Variants in VPS35L observed in about 807,000 individuals in gnomAD.
VPS35L encodes VPS35 endosomal protein sorting factor like.
Under a neutral mutation model 133.0 loss-of-function variants are expected in VPS35L, and 83 were observed. The ratio of observed to expected loss-of-function variants is 0.62; its 90% CI spans 0.52 to 0.75. The LOEUF (loss-of-function observed/expected upper bound fraction) is 0.75, where lower values mean the gene tolerates loss of function less well. Among genes scored for constraint, VPS35L ranks in the 30% least tolerant of loss-of-function variants. VPS35L has a pLI of 0.00. For synonymous variants in VPS35L, 423 were observed against 449.9 expected (o/e 0.94, Z 0.76); for missense variants, 1,083 against 1,206.8 (o/e 0.90, Z 1.52).
intron 26 of VPS35L, among the ~76,000 whole-genome samples, chr16:19,661,454 A>G (rs1165460497): frequency 6.6e-6 from 1 of 152,176 alleles, no homozygotes; most frequent in Non-Finnish European, 1.5e-5. Context: ...GCGTATTGAA[A>G]GCCTTGGTAC....
In VPS35L at chr16:19,651,897, A is replaced by G; in HGVS notation, c.2107-79A>G. On this transcript the variant is annotated intron_variant, in intron 25 of 30. Transcript: ENST00000417362. ...ACTGTTGTAAGTTTCTTTCCTTGGA[A>G]ATACATGAGGGATGAAAACAGGAGT... 4.8e-6 allele frequency: 5 copies of G among 1,045,550 alleles called. No homozygotes were observed. In the South Asian group the frequency reaches 6.9e-5, roughly 14 times the overall value. 64.8% of individuals were successfully genotyped at this position (1,045,550 alleles called of 1,614,324 possible). A position where few individuals can be genotyped will look rare whatever the true frequency, so the allele number is the denominator to read the frequency against.
At chr16:19,585,735 C>T (rs1167887054) in intron 7 of VPS35L, among the ~76,000 whole-genome samples, 1 of 151,732 alleles carries the variant, frequency 6.6e-6, no homozygotes, top group Non-Finnish European at 1.5e-5. Context: ...TCCTACTATC[C>T]TAGTGGGTTT....
intron 27 of VPS35L, among the ~76,000 whole-genome samples, chr16:19,677,254 T>A (rs937000818): frequency 3.3e-5 from 5 of 151,952 alleles, no homozygotes; most frequent in African/African-American, 4.8e-5. Flanking sequence ...TATTTATTTA[T>A]TTGTATTTTT....
At position 19,581,668 on chromosome 16, in the gene VPS35L, T is replaced by TCCCCCCCCCCC. The variant is rs5816059; in HGVS notation, c.639+20_639+21insCCCCCCCCCCC. On this transcript the variant is annotated intron_variant, in intron 7 of 30. Transcript: ENST00000417362. ...TAGTCATCCAGGTTAGCTCTAGTGATCCCCCACCCCCACCCAGAATTTCCT... is the reference window on the plus strand; with the variant it reads ...TAGTCATCCAGGTTAGCTCTAGTGATCCCCCCCCCCCCCCCCACCCCCACCCAGAATTTCCT... The TCCCCCCCCCCC allele has an allele frequency of 1.1e-5, 17 of 1,607,530 alleles. No homozygotes were observed. Among genetic ancestry groups the TCCCCCCCCCCC allele is most frequent in the South Asian group, 4.4e-5 (4 of 90,794 alleles).
intron 5 of VPS35L, chr16:19,578,242 A>G (rs967426513): frequency 4.5e-6 from 2 of 447,848 alleles, no homozygotes; most frequent in Non-Finnish European, 8.9e-6. Context: ...GCTTACAAAA[A>G]GAGTTCTGCA....
At chr16:19,588,791 A>G (rs1173671340) in intron 7 of VPS35L, among the ~76,000 whole-genome samples, 1 of 152,110 alleles carries the variant, frequency 6.6e-6, no homozygotes, top group Non-Finnish European at 1.5e-5. Flanking sequence ...TTTTCTCTAG[A>G]TAAGAGCCTA....
At chr16:19,628,853 G>A (rs945649935) in intron 17 of VPS35L, 100 bp downstream of exon 17, 7 of 429,796 alleles carry the variant, frequency 1.6e-5, no homozygotes, top group South Asian at 9.2e-5. Context: ...GTGCAATGGC[G>A]CCATCTCGGC....
At chr16:19,641,319 G>C (rs1226368171) in intron 21 of VPS35L, among the ~76,000 whole-genome samples, 1 of 151,398 alleles carries the variant, frequency 6.6e-6, no homozygotes, top group Admixed American at 6.6e-5. Flanking sequence ...CACCCGCCTC[G>C]GCCTCCCAAA....
At chr16:19,629,857 G>T in intron 18 of VPS35L, 37 bp downstream of exon 18, 1 of 1,588,776 alleles carries the variant, frequency 6.3e-7, no homozygotes, top group Non-Finnish European at 8.6e-7. Context: ...GAAAGAATTA[G>T]ATTTTTTCAT....
intron 7 of VPS35L, among the ~76,000 whole-genome samples, chr16:19,590,156 C>T (rs922158553): frequency 1.1e-5 from 1 of 91,818 alleles, no homozygotes; most frequent in Non-Finnish European, 2.1e-5. Flanking sequence ...CCCCCCCCCC[C>T]ACAAATAACA....
intron 27 of VPS35L, among the ~76,000 whole-genome samples, chr16:19,669,552 A>G (rs1180873487): frequency 3.9e-5 from 6 of 152,156 alleles, no homozygotes; most frequent in Non-Finnish European, 8.8e-5. Flanking sequence ...GTCTTAAACA[A>G]CATTTATTTC....
chr16:19,639,608 A>G lies in VPS35L; in HGVS notation c.1699-407A>G, dbSNP rs964751793. On this transcript the variant is annotated intron_variant, in intron 20 of 30. Coordinates refer to ENST00000417362, the MANE Select transcript of VPS35L (RefSeq NM_020314.7). The surrounding 1 kb of genome is among the most constrained non-coding windows in gnomAD (Gnocchi z 4.1). ...AGTGGAGTGATCTCGGTTCACTGCA[A>G]CTTCCGCCTTCCCGAGTTCAAGCAG... 2.6e-5 allele frequency among the ~76,000 whole-genome samples: 4 copies of G among 152,144 alleles called. No individual in the cohort carries two copies. Among genetic ancestry groups the G allele is most frequent in the African/African-American group, 9.7e-5 (4 of 41,438 alleles).
In VPS35L at chr16:19,677,608, G is replaced by A. The variant is rs575551596; in HGVS notation, c.2362-4617G>A. On this transcript the variant is annotated intron_variant, in intron 27 of 30. Transcript: ENST00000417362. ...GTGGGAAGCGGCACTGTGCTCCAGA[G>A]GGACTGGAGGAGAGCCAGAGTGACT... is the stretch of plus-strand genomic sequence containing the variant. Among the ~76,000 whole-genome samples, 17 of 152,300 alleles carry A rather than the reference G, an allele frequency of 1.1e-4. No individual in the cohort carries two copies. The South Asian group carries it at 3.3e-3, about 30-fold the overall frequency.
rs769807628 is a variant in VPS35L at position 19,691,407 on chromosome 16, A to G, written c.2582A>G (p.Asn861Ser). The G allele has an allele frequency of 1.2e-6, 2 of 1,613,930 alleles. No individual in the cohort carries two copies. Among genetic ancestry groups the G allele is most frequent in the East Asian group, 4.5e-5 (2 of 44,884 alleles). The change falls in exon 29 of 31, where the codon AAC becomes AGC. Residue 861 changes from asparagine (N) to serine (S), a missense_variant. Coordinates refer to ENST00000417362, the MANE Select transcript of VPS35L (RefSeq NM_020314.7). ...GGDSKFLAENNKLCETVMAQI... is the reference protein window; with the variant it reads ...GGDSKFLAENSKLCETVMAQI... ...GACTCCAAGTTCCTGGCAGAAAACAACAAGCTGTGTGAGACGGTGATGGCT... is the reference window on the plus strand; with the variant it reads ...GACTCCAAGTTCCTGGCAGAAAACAGCAAGCTGTGTGAGACGGTGATGGCT...
chr16:19,611,043 A>T (rs1319837171), intron 12 of VPS35L, among the ~76,000 whole-genome samples: 2 of 152,192 alleles, frequency 1.3e-5, no homozygotes, highest in Non-Finnish European at 2.9e-5. Flanking sequence ...TGTGTCGCCC[A>T]GGCTGGAGTG....
rs189501880 is a variant in VPS35L, at chr16:19,664,762, C to T, written c.2222-4398C>T. Among the ~76,000 whole-genome samples the T allele has an allele frequency of 1.6e-3, 248 of 151,822 alleles. 1 individual carries two copies. Among genetic ancestry groups the T allele is most frequent in the Non-Finnish European group, 2.9e-3 (195 of 67,892 alleles). On this transcript the variant is annotated intron_variant, in intron 26 of 30. Coordinates refer to ENST00000417362, the MANE Select transcript of VPS35L (RefSeq NM_020314.7). Reference sequence around the variant, plus strand: ...TAAAAATACAAAAATTAGCCTGGCACGGTGGCATGTGCCTGTAGTCTTAGC... The same window carrying T: ...TAAAAATACAAAAATTAGCCTGGCATGGTGGCATGTGCCTGTAGTCTTAGC...
intron 7 of VPS35L, among the ~76,000 whole-genome samples, chr16:19,583,065 G>C (rs1252156859): frequency 6.6e-6 from 1 of 152,126 alleles, no homozygotes. Context: ...GTGTGTGTTG[G>C]GGGGGTACCC....
At chr16:19,574,146 G>A (rs1971464156) in intron 4 of VPS35L, among the ~76,000 whole-genome samples, 1 of 152,192 alleles carries the variant, frequency 6.6e-6, no homozygotes. Context: ...GTAAACAAGA[G>A]TGACCTGTAT....
At chr16:19,594,644 CAAAA>C (rs57187565) in intron 8 of VPS35L, among the ~76,000 whole-genome samples, 2,701 of 31,014 alleles carry the variant, frequency 0.087, 63 homozygotes, top group East Asian at 0.39. Context: ...GATTTCGTCT[CAAAA>C]AAAAAAAAAA....
Sources: allele counts gnomAD v4.1 joint callset (sites outside exome capture counted in the v4.1 genomes callset), GRCh38; gene constraint gnomAD v4.1.1; non-coding constraint Gnocchi (gnomAD v3.1); transcripts MANE v1.5; gene names NCBI Gene and HGNC (gene_info 2026-07-23, HGNC 2026-07-21).